FAM171A1: variants seen among roughly 807,000 people sequenced by gnomAD.
FAM171A1 encodes protein FAM171A1.
A neutral mutation model predicts 74.9 loss-of-function variants in FAM171A1; 23 were observed. The ratio of observed to expected loss-of-function variants is 0.31; its 90% CI spans 0.22 to 0.44. The LOEUF (loss-of-function observed/expected upper bound fraction) is 0.44, where lower values mean the gene tolerates loss of function less well. Among genes scored for constraint, FAM171A1 ranks in the 20% least tolerant of loss-of-function variants. The pLI, the probability that FAM171A1 is intolerant of heterozygous loss-of-function variation, is 1.00. For missense variants in FAM171A1, 1,162 were observed against 1,159.2 expected (o/e 1.00, Z -0.03); for synonymous variants, 527 against 505.7 (o/e 1.04, Z -0.57).
intron 3 of FAM171A1, among the ~76,000 whole-genome samples, chr10:15,270,447 G>A (rs1022509584): frequency 3.3e-5 from 5 of 152,216 alleles, no homozygotes; most frequent in Non-Finnish European, 1.5e-5. Flanking sequence ...CTCCACCTCT[G>A]GGGGCAGGGC....
At chr10:15,332,686 C>G (rs144076222) in intron 1 of FAM171A1, among the ~76,000 whole-genome samples, 2 of 152,296 alleles carry the variant, frequency 1.3e-5, no homozygotes, top group East Asian at 3.9e-4. Flanking sequence ...ATTGCACTGA[C>G]TACAGTGGGC....
At chr10:15,355,588 T>C (rs4750629) in intron 1 of FAM171A1, among the ~76,000 whole-genome samples, 149,289 of 152,132 alleles carry the variant, frequency 0.98, 73,308 homozygotes, top group Middle Eastern at 1. Flanking sequence ...CATGGTGGTG[T>C]GCACCTGTAG....
At chr10:15,216,577 C>T (rs952578596) in intron 6 of FAM171A1, among the ~76,000 whole-genome samples, 5 of 152,064 alleles carry the variant, frequency 3.3e-5, no homozygotes, top group African/African-American at 7.2e-5. Flanking sequence ...ACTACAGGCA[C>T]GCACCACCAC....
At chr10:15,319,750 C>A (rs1377493562) in intron 1 of FAM171A1, among the ~76,000 whole-genome samples, 1 of 152,084 alleles carries the variant, frequency 6.6e-6, no homozygotes, top group Non-Finnish European at 1.5e-5. Context: ...GGATTTTGAA[C>A]CTAGACCTTC....
chr10:15,369,199 T>TTA (rs556113121), intron 1 of FAM171A1, among the ~76,000 whole-genome samples: 3 of 147,574 alleles, frequency 2.0e-5, no homozygotes, highest in South Asian at 2.1e-4. Context: ...CCTAAACCTG[T>TTA]TATATATATA....
At chr10:15,360,006 C>G (rs1835975578) in intron 1 of FAM171A1, among the ~76,000 whole-genome samples, 1 of 152,222 alleles carries the variant, frequency 6.6e-6, no homozygotes, top group Non-Finnish European at 1.5e-5. Flanking sequence ...GTGATCACGG[C>G]TCACTGCAGC....
chr10:15,260,516 ACAGTGT>A (rs1461832418), intron 3 of FAM171A1, among the ~76,000 whole-genome samples: 1 of 152,176 alleles, frequency 6.6e-6, no homozygotes, highest in African/African-American at 2.4e-5. Flanking sequence ...ATGGTGTCCA[ACAGTGT>A]CTCCTGGATA....
chr10:15,343,795 G>C (rs1040095554), intron 1 of FAM171A1, among the ~76,000 whole-genome samples: 8 of 151,516 alleles, frequency 5.3e-5, no homozygotes, highest in African/African-American at 1.9e-4. Flanking sequence ...CTGGACGAGA[G>C]AGCAAGATCC....
intron 6 of FAM171A1, among the ~76,000 whole-genome samples, chr10:15,220,263 G>A (rs556684685): frequency 6.6e-6 from 1 of 152,118 alleles, no homozygotes; most frequent in South Asian, 2.1e-4. Flanking sequence ...GAAGGCAGAA[G>A]GCAGTCCAAG....
chr10:15,305,107 A>G (rs1044300964), intron 1 of FAM171A1, among the ~76,000 whole-genome samples: 1 of 152,212 alleles, frequency 6.6e-6, no homozygotes, highest in African/African-American at 2.4e-5. Flanking sequence ...GAATAATAAT[A>G]AAACTTATAA....
chr10:15,304,637 T>A (rs192709788), intron 1 of FAM171A1, among the ~76,000 whole-genome samples: 2 of 152,312 alleles, frequency 1.3e-5, no homozygotes, highest in East Asian at 3.9e-4. Context: ...TGGCTGGCCC[T>A]GGTGTTTCTC....
At chr10:15,316,196 A>G (rs1466624245) in intron 1 of FAM171A1, among the ~76,000 whole-genome samples, 1 of 152,254 alleles carries the variant, frequency 6.6e-6, no homozygotes, top group East Asian at 1.9e-4. Context: ...CTAAGTTTAC[A>G]ACAAGCACCC....
chr10:15,247,929 C>T (rs115659213), intron 5 of FAM171A1, among the ~76,000 whole-genome samples: 2,045 of 152,266 alleles, frequency 0.013, 56 homozygotes, highest in African/African-American at 0.046. Context: ...CCCTGTGAGT[C>T]ACACTCATTA....
intron 6 of FAM171A1, among the ~76,000 whole-genome samples, chr10:15,217,107 G>C (rs1833976851): frequency 6.6e-6 from 1 of 152,044 alleles, no homozygotes; most frequent in Non-Finnish European, 1.5e-5. Flanking sequence ...TTATACATAA[G>C]GTTATCAAAG....
chr10:15,332,368 T>C (rs1169114834), intron 1 of FAM171A1, among the ~76,000 whole-genome samples: 1 of 152,220 alleles, frequency 6.6e-6, no homozygotes, highest in Non-Finnish European at 1.5e-5. Flanking sequence ...TTTGGTTTAC[T>C]TGGACTTTGA....
At chr10:15,254,209 GGCATGGAGCCAAGGTATGCCT>G (rs1380966565) in intron 4 of FAM171A1, among the ~76,000 whole-genome samples, 1 of 152,086 alleles carries the variant, frequency 6.6e-6, no homozygotes, top group Non-Finnish European at 1.5e-5. Flanking sequence ...ATGCCGGTGG[GGCATGGAGCCAAGGTATGCCT>G]GTCTCTGAGT....
At chr10:15,253,980 C>T (rs1401276661) in intron 4 of FAM171A1, among the ~76,000 whole-genome samples, 4 of 152,190 alleles carry the variant, frequency 2.6e-5, no homozygotes, top group African/African-American at 9.7e-5. Context: ...CTTTTAGTTT[C>T]TCTGATCTTT....
chr10:15,262,056 G>C (rs1229340378), intron 3 of FAM171A1, among the ~76,000 whole-genome samples: 1 of 152,184 alleles, frequency 6.6e-6, no homozygotes, highest in Non-Finnish European at 1.5e-5. Flanking sequence ...CTGAGGCTAC[G>C]GTGAGTTATG....
intron 1 of FAM171A1, among the ~76,000 whole-genome samples, chr10:15,367,225 C>CAAACAA: frequency 7.4e-6 from 1 of 134,928 alleles, no homozygotes; most frequent in Admixed American, 7.4e-5. Flanking sequence ...CAAACAAACA[C>CAAACAA]ACACACAAAA....
Sources: gnomAD v4.1 joint callset for allele counts (sites outside exome capture counted in the v4.1 genomes callset) on GRCh38, gnomAD v4.1.1 for gene constraint, MANE v1.5 for transcripts, NCBI Gene and HGNC (gene_info 2026-07-23, HGNC 2026-07-21) for gene names.